RBFOX1: variants seen among roughly 807,000 people sequenced by gnomAD.
RBFOX1 encodes the protein RNA binding fox-1 homolog 1, also known as RNA binding protein fox-1 homolog 1.
A neutral mutation model predicts 57.7 loss-of-function variants in RBFOX1; 8 were observed. The observed-to-expected ratio is 0.14, with a 90% CI of 0.08 to 0.25. RBFOX1 has a LOEUF of 0.25. Among genes scored for constraint, RBFOX1 ranks in the 10% least tolerant of loss-of-function variants. The probability of loss-of-function intolerance (pLI) is 1.00; values close to 1 mark genes in which losing one functional copy is unlikely to be tolerated. For missense variants in RBFOX1, 611 were observed against 548.5 expected, an observed-to-expected ratio of 1.11 and a Z score of -1.14; for synonymous variants, 326 against 222.4, an observed-to-expected ratio of 1.47 and a Z score of -4.15.
In RBFOX1 at chr16:5,691,183, A is replaced by G. The variant is rs59911746; in HGVS notation, c.318+92222A>G. ...CTGAGCTCCTCAACATCTTTGTAAT[A>G]AATTTTCTGTTTTGCATAATTTCCA... On this transcript the variant is annotated intron_variant, in intron 3 of 19. Transcript: ENST00000641259. 5.2e-3 allele frequency among the ~76,000 whole-genome samples: 797 copies of G among 152,300 alleles called. 5 individuals carry two copies. Among genetic ancestry groups the G allele is most frequent in the African/African-American group, 0.018 (768 of 41,564 alleles).
intron 4 of RBFOX1, among the ~76,000 whole-genome samples, chr16:7,459,530 CCACTGTGTGGAACAATTTAAAATTT>C (rs1382216282): frequency 6.6e-6 from 1 of 152,190 alleles, no homozygotes; most frequent in Non-Finnish European, 1.5e-5. Flanking sequence ...AGCCTTGCAT[CCACTGTGTGGAACAATTTAAAATTT>C]CATCTGTTAA....
chr16:6,442,240 G>A (rs1004712605), intron 2 of RBFOX1, among the ~76,000 whole-genome samples: 4 of 152,124 alleles, frequency 2.6e-5, no homozygotes, highest in Admixed American at 6.5e-5. Context: ...ACATCCACTC[G>A]AATGTTTGTC....
intron 7 of RBFOX1, among the ~76,000 whole-genome samples, chr16:7,593,110 T>C (rs927862140): frequency 2.0e-5 from 3 of 151,978 alleles, no homozygotes. Flanking sequence ...CCACCATGCC[T>C]GGCCCAAAAC....
intron 3 of RBFOX1, among the ~76,000 whole-genome samples, chr16:6,874,883 T>A (rs779794040): frequency 6.7e-4 from 102 of 152,138 alleles, no homozygotes; most frequent in Non-Finnish European, 1.2e-3. Context: ...GTAAGGAACA[T>A]TACCTGTTCC....
chr16:7,160,476 C>T (rs2078081385), intron 4 of RBFOX1, among the ~76,000 whole-genome samples: 3 of 152,114 alleles, frequency 2.0e-5, no homozygotes, highest in Admixed American at 2.0e-4. Flanking sequence ...TAACGTGCAG[C>T]ATGAACTACA....
At chr16:5,590,848 C>G (rs2046983689) in intron 2 of RBFOX1, among the ~76,000 whole-genome samples, 1 of 152,132 alleles carries the variant, frequency 6.6e-6, no homozygotes, top group Admixed American at 6.5e-5. Context: ...GTACTGCCTA[C>G]CCTGGGAACA....
At chr16:7,175,011 A>G (rs2081377138) in intron 4 of RBFOX1, among the ~76,000 whole-genome samples, 2 of 151,804 alleles carry the variant, frequency 1.3e-5, no homozygotes, top group South Asian at 4.2e-4. Flanking sequence ...GATGTTGAGC[A>G]TCTTTTCAGG....
intron 4 of RBFOX1, among the ~76,000 whole-genome samples, chr16:7,465,948 A>T (rs1287525828): frequency 6.6e-6 from 1 of 152,260 alleles, no homozygotes; most frequent in Non-Finnish European, 1.5e-5. Context: ...TAAAAGAATG[A>T]CAGACTGGAT....
At chr16:7,250,517 G>A (rs1011097802) in intron 4 of RBFOX1, among the ~76,000 whole-genome samples, 23 of 152,134 alleles carry the variant, frequency 1.5e-4, no homozygotes, top group Non-Finnish European at 2.8e-4. Context: ...CCTTGTCTCT[G>A]CTTTAGTTAG....
At chr16:5,757,177 G>C (rs904757809) in intron 3 of RBFOX1, among the ~76,000 whole-genome samples, 2 of 151,786 alleles carry the variant, frequency 1.3e-5, no homozygotes, top group African/African-American at 2.4e-5. Context: ...CCAGCAGAGG[G>C]AGAAAGAGCA....
At chr16:7,243,668 C>A (rs2094165502) in intron 4 of RBFOX1, among the ~76,000 whole-genome samples, 2 of 152,110 alleles carry the variant, frequency 1.3e-5, no homozygotes, top group African/African-American at 4.8e-5. Flanking sequence ...CCAGCTCAGC[C>A]TCCCAAGTAG....
intron 2 of RBFOX1, among the ~76,000 whole-genome samples, chr16:6,629,330 A>C (rs2098353630): frequency 6.6e-6 from 1 of 152,226 alleles, no homozygotes; most frequent in South Asian, 2.1e-4. Context: ...CGTCCAAGAT[A>C]AATGGAAAGA....
intron 1 of RBFOX1, among the ~76,000 whole-genome samples, chr16:5,284,045 G>T (rs1404343140): frequency 2.0e-5 from 3 of 152,012 alleles, no homozygotes; most frequent in Non-Finnish European, 2.9e-5. Flanking sequence ...TTCCCATGCT[G>T]TTCTCATGAT....
chr16:6,708,131 C>A (rs1177774698), intron 3 of RBFOX1, among the ~76,000 whole-genome samples: 1 of 152,148 alleles, frequency 6.6e-6, no homozygotes, highest in Non-Finnish European at 1.5e-5. Flanking sequence ...CCCACAGACA[C>A]CTGGCTTGGG....
intron 1 of RBFOX1, among the ~76,000 whole-genome samples, chr16:6,294,314 T>C (rs993962106): frequency 6.6e-6 from 1 of 152,226 alleles, no homozygotes. Context: ...GTAAGCTTAT[T>C]AGACTTGGAG....
At chr16:6,813,034 A>G (rs139219255) in intron 3 of RBFOX1, among the ~76,000 whole-genome samples, 278 of 152,198 alleles carry the variant, frequency 1.8e-3, no homozygotes, top group African/African-American at 6.2e-3. Context: ...CAAAAGACCT[A>G]TTGTCATGGC....
chr16:7,346,135 T>C (rs1426710871), intron 4 of RBFOX1, among the ~76,000 whole-genome samples: 1 of 152,176 alleles, frequency 6.6e-6, no homozygotes, highest in African/African-American at 2.4e-5. Context: ...GCTTCATCCG[T>C]GTCCCTACAA....
At chr16:7,700,621 G>A (rs1227917217) in intron 14 of RBFOX1, among the ~76,000 whole-genome samples, 1 of 152,192 alleles carries the variant, frequency 6.6e-6, no homozygotes, top group Non-Finnish European at 1.5e-5. Flanking sequence ...AAACAAAGGA[G>A]AAATGAAATT....
intron 4 of RBFOX1, among the ~76,000 whole-genome samples, chr16:7,435,337 A>C (rs759857073): frequency 6.6e-6 from 1 of 152,060 alleles, no homozygotes; most frequent in Non-Finnish European, 1.5e-5. Context: ...ACGGAGAGGA[A>C]GACCACAGAG....
Sources: gnomAD v4.1 joint callset for allele counts (sites outside exome capture counted in the v4.1 genomes callset) on GRCh38, gnomAD v4.1.1 for gene constraint, MANE v1.5 for transcripts, NCBI Gene and HGNC (gene_info 2026-07-23, HGNC 2026-07-21) for gene names.